Variants in C13orf42 observed in about 807,000 individuals in gnomAD.
C13orf42 encodes the protein uncharacterized protein C13orf42.
At chr13:51,127,980 T>C (rs558378371) in intron 1 of C13orf42, among the ~76,000 whole-genome samples, 1 of 152,342 alleles carries the variant, frequency 6.6e-6, no homozygotes, top group African/African-American at 2.4e-5. Context: ...TAAAACAGCT[T>C]GCAGGAAAGA....
At chr13:51,097,207 T>A (rs1953243372) in intron 1 of C13orf42, among the ~76,000 whole-genome samples, 1 of 152,212 alleles carries the variant, frequency 6.6e-6, no homozygotes, top group Non-Finnish European at 1.5e-5. Flanking sequence ...TCTTTTGCTA[T>A]TAGTGCAGCA....
At chr13:51,119,249 G>C (rs986913565) in intron 1 of C13orf42, among the ~76,000 whole-genome samples, 1 of 152,196 alleles carries the variant, frequency 6.6e-6, no homozygotes. Context: ...TCATCAAGAG[G>C]AAATGAGAGG....
chr13:51,133,954 C>A (rs1408076508), intron 1 of C13orf42, among the ~76,000 whole-genome samples: 2 of 152,126 alleles, frequency 1.3e-5, no homozygotes, highest in Admixed American at 6.5e-5. Context: ...GTCCTCTACA[C>A]CAGCCCTCAG....
At chr13:51,146,225 A>T (rs1003524349) in intron 1 of C13orf42, among the ~76,000 whole-genome samples, 1 of 152,150 alleles carries the variant, frequency 6.6e-6, no homozygotes, top group Admixed American at 6.5e-5. Context: ...CCAAGCTTTG[A>T]TACCCAAAGC....
intron 1 of C13orf42, among the ~76,000 whole-genome samples, chr13:51,123,678 A>T (rs1056716820): frequency 1.3e-5 from 2 of 152,160 alleles, no homozygotes; most frequent in Admixed American, 6.5e-5. Context: ...CTATCACCTA[A>T]CCCAATTCCT....
intron 1 of C13orf42, among the ~76,000 whole-genome samples, chr13:51,130,726 CT>C (rs1953609888): frequency 6.6e-6 from 1 of 152,126 alleles, no homozygotes; most frequent in Non-Finnish European, 1.5e-5. Context: ...AATTAAACCC[CT>C]GAACTTACCA....
Position 51,111,195 on chromosome 13 carries a change from G to A in C13orf42, c.15C>T (p.Ile5=). The A allele has an allele frequency of 2.5e-6, 1 of 398,626 alleles. No homozygotes were observed. The highest frequency in any genetic ancestry group is 1.3e-4 in the South Asian group (1 of 7,844). 24.7% of individuals were successfully genotyped at this position (398,626 alleles called of 1,614,324 possible). Residue 5 remains isoleucine, a synonymous_variant, in exon 1 of 4, where the codon ATC becomes ATT. Transcript: ENST00000563710. ...GTGGGCTGGAGTTAAAGATGGAGTG[G>A]ATCTTTCTGAACATAGTGCTCGATT... The part of the protein sequence containing the change: MFRK[I]HSIFNSSPQR...
At chr13:51,114,645 TAGAGATAGACAGACAGAC>T (rs1219141980), upstream of C13orf42, among the ~76,000 whole-genome samples, 10 of 120,530 alleles carry the variant, frequency 8.3e-5, no homozygotes, top group African/African-American at 3.1e-4. Context: ...GATAGATAGA[TAGAGATAGACAGACAGAC>T]AGACAGACAG....
upstream of C13orf42, among the ~76,000 whole-genome samples, chr13:51,112,192 C>T (rs1326839615): frequency 6.6e-6 from 1 of 152,208 alleles, no homozygotes; most frequent in African/African-American, 2.4e-5. Context: ...GTCTATTTCT[C>T]TCCTAGACTA....
chr13:51,165,298 C>A (rs145299603), intron 1 of C13orf42, among the ~76,000 whole-genome samples: 6 of 152,252 alleles, frequency 3.9e-5, no homozygotes, highest in South Asian at 2.1e-4. Flanking sequence ...AGCCACTCTT[C>A]TTCTAGCCCC....
At chr13:51,163,473 T>C (rs1004309043) in intron 1 of C13orf42, among the ~76,000 whole-genome samples, 4 of 152,070 alleles carry the variant, frequency 2.6e-5, no homozygotes, top group Admixed American at 6.6e-5. Flanking sequence ...TTTTGAGGAC[T>C]TACATACATG....
chr13:51,111,112 A>G lies in C13orf42; in HGVS notation c.98T>C (p.Leu33Pro). The change falls in exon 1 of 4, where the codon CTG becomes CCG. Residue 33 changes from leucine to proline, a missense_variant. Physicochemically the swap from Leu to Pro is moderately conservative, Grantham distance 98. Coordinates refer to ENST00000563710, the MANE Select transcript of C13orf42 (RefSeq NM_001351589.3). ...CACATACATGGAACTGCTTCGAATC[A>G]GCTTCACTGCGGGGCTGGCTCCTTC... ...FYEGASPAVK[L>P]IRSSSMYVVG... 2 of 398,584 alleles carry G rather than the reference A, an allele frequency of 5.0e-6. No individual in the cohort carries two copies. The highest frequency in any genetic ancestry group is 4.4e-6 in the Non-Finnish European group (1 of 226,084). 24.7% of individuals were successfully genotyped at this position (398,584 alleles called of 1,614,324 possible).
At chr13:51,142,340 T>C (rs1266030913) in intron 1 of C13orf42, among the ~76,000 whole-genome samples, 2 of 152,184 alleles carry the variant, frequency 1.3e-5, no homozygotes, top group East Asian at 3.8e-4. Context: ...TGAAGCCAAT[T>C]AGGTGAAATC....
chr13:51,164,118 G>A (rs59539112), intron 1 of C13orf42, among the ~76,000 whole-genome samples: 1,921 of 152,304 alleles, frequency 0.013, 48 homozygotes, highest in African/African-American at 0.042. Context: ...CACAGGCAGC[G>A]TACGGCTAGC....
In C13orf42 at chr13:51,084,136, G is replaced by A. The variant is rs781250918; in HGVS notation, c.*15C>T. 55 of 398,594 alleles carry A rather than the reference G, an allele frequency of 1.4e-4. No homozygotes were observed. Among genetic ancestry groups the A allele is most frequent in the Non-Finnish European group, 2.4e-4 (54 of 226,124 alleles). The allele number at this position is 398,594 out of a possible 1,614,324, so 24.7% of individuals were successfully genotyped here. A position where few individuals can be genotyped will look rare whatever the true frequency, so the allele number is the denominator to read the frequency against. On this transcript the variant is annotated 3_prime_UTR_variant, in exon 4 of 4. Transcript: ENST00000563710. Reference sequence around the variant, plus strand: ...AGGGACCCAGTCTGAGACACGTCAAGGAATCCAGATGGAGTCAGGGCACCG... The same window carrying A: ...AGGGACCCAGTCTGAGACACGTCAAAGAATCCAGATGGAGTCAGGGCACCG...
chr13:51,126,309 A>G (rs1415607457), intron 1 of C13orf42, among the ~76,000 whole-genome samples: 1 of 152,236 alleles, frequency 6.6e-6, no homozygotes, highest in Non-Finnish European at 1.5e-5. Context: ...CTGAAGTAAA[A>G]TAAGCATTTC....
At chr13:51,171,677 C>A (rs574300739) in intron 1 of C13orf42, among the ~76,000 whole-genome samples, 4 of 152,110 alleles carry the variant, frequency 2.6e-5, no homozygotes, top group African/African-American at 4.8e-5. Flanking sequence ...AGCCCTCCCC[C>A]ACCTGCCCAG....
At chr13:51,097,203 G>A (rs1953243263) in intron 1 of C13orf42, among the ~76,000 whole-genome samples, 1 of 152,132 alleles carries the variant, frequency 6.6e-6, no homozygotes, top group Non-Finnish European at 1.5e-5. Flanking sequence ...GCAATCTTTT[G>A]CTATTAGTGC....
chr13:51,158,017 C>T (rs557147974), intron 1 of C13orf42, among the ~76,000 whole-genome samples: 1 of 152,184 alleles, frequency 6.6e-6, no homozygotes, highest in African/African-American at 2.4e-5. Flanking sequence ...CAAACAACAA[C>T]AAAAAACCAG....
Sources: allele counts gnomAD v4.1 joint callset (sites outside exome capture counted in the v4.1 genomes callset), GRCh38; gene constraint gnomAD v4.1.1; transcripts MANE v1.5; gene names NCBI Gene and HGNC (gene_info 2026-07-23, HGNC 2026-07-21).